PHACTR1: variants seen among roughly 807,000 people sequenced by gnomAD.
The protein encoded by PHACTR1 is phosphatase and actin regulator 1.
In PHACTR1, 16 loss-of-function variants were observed where a neutral mutation model predicts 69.2. The ratio of observed to expected loss-of-function variants is 0.23; its 90% CI spans 0.16 to 0.35. The LOEUF is 0.35. Ranked by LOEUF, PHACTR1 falls within the 10% of genes least tolerant of loss-of-function variation. PHACTR1 has a pLI of 1.00. For missense variants in PHACTR1, 510 were observed against 734.7 expected (o/e 0.69, Z 3.54); for synonymous variants, 312 against 284.5 (o/e 1.10, Z -0.97).
chr6:12,931,105 G>A (rs771481381), intron 4 of PHACTR1, among the ~76,000 whole-genome samples: 5 of 152,004 alleles, frequency 3.3e-5, no homozygotes, highest in Non-Finnish European at 7.4e-5. Flanking sequence ...TAACAAAGAG[G>A]CTTTAAAATA....
intron 4 of PHACTR1, among the ~76,000 whole-genome samples, chr6:13,034,321 CT>C (rs1433584142): frequency 2.0e-5 from 3 of 152,176 alleles, no homozygotes; most frequent in African/African-American, 4.8e-5. Flanking sequence ...CCGGCCAGGA[CT>C]TTTCTTTTTC....
rs1258243165 is a variant in PHACTR1, at chr6:13,179,926, G to A, written c.497-2593G>A. On this transcript the variant is annotated intron_variant, in intron 6 of 14. Coordinates refer to ENST00000332995, the MANE Select transcript of PHACTR1 (RefSeq NM_030948.6). The surrounding 1 kb of genome is among the most constrained non-coding windows in gnomAD (Gnocchi z 4.2). ...TTAATACATGAAAATTTCATTTACT[G>A]GAATTTATCCTAAAGGGGGAGAATT... Among the ~76,000 whole-genome samples the A allele has an allele frequency of 6.6e-6, 1 of 152,102 alleles. No individual in the cohort carries two copies. Among genetic ancestry groups the A allele is most frequent in the Non-Finnish European group, 1.5e-5 (1 of 68,010 alleles).
At position 13,039,243 on chromosome 6, in the gene PHACTR1, GTGTT is replaced by G. The variant is rs1178825074; in HGVS notation, c.251-14119_251-14116del. ...ATCAAATGATATAATAACTAGGCAA[GTGTT>G]TGATAAATGATAGAACACTATTCAG... is the stretch of plus-strand genomic sequence containing the variant. On this transcript the variant is annotated intron_variant, in intron 4 of 14. Coordinates refer to ENST00000332995, the MANE Select transcript of PHACTR1 (RefSeq NM_030948.6). Among the ~76,000 whole-genome samples the G allele has an allele frequency of 1.2e-4, 19 of 152,308 alleles. 1 individual carries two copies. The East Asian group carries it at 2.9e-3, about 23-fold the overall frequency.
At chr6:12,846,098 T>A (rs528869336) in intron 4 of PHACTR1, among the ~76,000 whole-genome samples, 1 of 151,580 alleles carries the variant, frequency 6.6e-6, no homozygotes, top group African/African-American at 2.4e-5. Flanking sequence ...ACAAACAAAC[T>A]GAGTTCCAAA....
At chr6:13,107,002 G>T (rs1816260706) in intron 5 of PHACTR1, among the ~76,000 whole-genome samples, 1 of 152,048 alleles carries the variant, frequency 6.6e-6, no homozygotes, top group Non-Finnish European at 1.5e-5. Context: ...AGAGATAATG[G>T]CCTGTAGTTT....
chr6:12,995,673 TTAA>T (rs775218083), intron 4 of PHACTR1, among the ~76,000 whole-genome samples: 2 of 152,030 alleles, frequency 1.3e-5, no homozygotes, highest in African/African-American at 2.4e-5. Context: ...AATGATTTCC[TTAA>T]TAATGATAAA....
At chr6:12,808,227 T>C (rs999530653) in intron 4 of PHACTR1, among the ~76,000 whole-genome samples, 4 of 152,260 alleles carry the variant, frequency 2.6e-5, no homozygotes, top group Admixed American at 6.5e-5. Context: ...AACGAGATTC[T>C]TTATCCGTCT....
chr6:13,031,525 T>C (rs1295503762), intron 4 of PHACTR1, among the ~76,000 whole-genome samples: 1 of 152,230 alleles, frequency 6.6e-6, no homozygotes, highest in Non-Finnish European at 1.5e-5. Context: ...ATACAATTTT[T>C]TGATCTGATT....
intron 4 of PHACTR1, among the ~76,000 whole-genome samples, chr6:12,881,254 T>C (rs1437134503): frequency 6.6e-6 from 1 of 152,174 alleles, no homozygotes; most frequent in Non-Finnish European, 1.5e-5. Flanking sequence ...AAGAGGGCGA[T>C]GCTGTATGCT....
At chr6:13,277,635 G>C (rs9369964) in intron 11 of PHACTR1, among the ~76,000 whole-genome samples, 97,210 of 151,304 alleles carry the variant, frequency 0.64, 32,959 homozygotes, top group Non-Finnish European at 0.78. Flanking sequence ...ATGCCTGTGT[G>C]TCCCCGTGTC....
At chr6:13,266,202 G>C (rs1377220996) in intron 10 of PHACTR1, among the ~76,000 whole-genome samples, 3 of 151,998 alleles carry the variant, frequency 2.0e-5, no homozygotes, top group African/African-American at 7.3e-5. Flanking sequence ...GCTTCTTCCT[G>C]TCCATTCACA....
rs1230496693 is a variant in PHACTR1, at chr6:13,144,807, C to CA, written c.416-15394dup. On this transcript the variant is annotated intron_variant, in intron 5 of 14. Coordinates refer to ENST00000332995, the MANE Select transcript of PHACTR1 (RefSeq NM_030948.6). ...AAAAAAAAAAGTATGTGTGGAAATTCAAAGGACCAAGAATGGTAAGAGCAA... is the reference window on the plus strand; with the variant it reads ...AAAAAAAAAAGTATGTGTGGAAATTCAAAAGGACCAAGAATGGTAAGAGCAA... Among the ~76,000 whole-genome samples, 74 of 145,786 alleles carry CA rather than the reference C, an allele frequency of 5.1e-4. 1 individual carries two copies. The highest frequency in any genetic ancestry group is 1.8e-3 in the African/African-American group (71 of 39,434).
At chr6:12,877,070 A>G (rs1012344575) in intron 4 of PHACTR1, among the ~76,000 whole-genome samples, 4 of 152,198 alleles carry the variant, frequency 2.6e-5, no homozygotes, top group African/African-American at 9.7e-5. Flanking sequence ...AGAAATCTAC[A>G]TTACAGAATC....
At chr6:12,904,302 A>G (rs540553437) in intron 4 of PHACTR1, among the ~76,000 whole-genome samples, 104 of 152,182 alleles carry the variant, frequency 6.8e-4, no homozygotes, top group Admixed American at 2.6e-3. Context: ...AACCCCAGCA[A>G]TATAGGAGGC....
At chr6:13,102,929 C>T (rs1348310442) in intron 5 of PHACTR1, among the ~76,000 whole-genome samples, 1 of 152,186 alleles carries the variant, frequency 6.6e-6, no homozygotes, top group Non-Finnish European at 1.5e-5. Flanking sequence ...GTCCAAGAAG[C>T]CAGCTTGTAA....
intron 5 of PHACTR1, among the ~76,000 whole-genome samples, chr6:13,095,594 A>G (rs1292720771): frequency 1.3e-5 from 2 of 152,216 alleles, no homozygotes; most frequent in African/African-American, 4.8e-5. Flanking sequence ...AAATAGGAAT[A>G]GGCAGACTCA....
At chr6:13,197,511 T>C (rs1764599570) in intron 7 of PHACTR1, among the ~76,000 whole-genome samples, 1 of 152,184 alleles carries the variant, frequency 6.6e-6, no homozygotes, top group Non-Finnish European at 1.5e-5. Flanking sequence ...GTCTTGGAGC[T>C]GTACTTAAAC....
At chr6:13,229,180 G>A (rs1349735256) in intron 9 of PHACTR1, among the ~76,000 whole-genome samples, 2 of 152,166 alleles carry the variant, frequency 1.3e-5, no homozygotes, top group African/African-American at 4.8e-5. Context: ...CAGCACTCCC[G>A]GCATTTGGGA....
At chr6:13,166,579 T>C (rs1405914571) in intron 6 of PHACTR1, among the ~76,000 whole-genome samples, 1 of 152,216 alleles carries the variant, frequency 6.6e-6, no homozygotes, top group Non-Finnish European at 1.5e-5. Flanking sequence ...TGATCCCCCT[T>C]ATTTATTCAG....
Sources: gnomAD v4.1 joint callset for allele counts (sites outside exome capture counted in the v4.1 genomes callset) on GRCh38, gnomAD v4.1.1 for gene constraint, Gnocchi (gnomAD v3.1) non-coding constraint, MANE v1.5 for transcripts, NCBI Gene and HGNC (gene_info 2026-07-23, HGNC 2026-07-21) for gene names.